Variants in MTARC2 observed in about 807,000 individuals in gnomAD.
MTARC2 encodes MOCO sulphurase C-terminal domain containing 2.
MTARC2 carries 27 observed loss-of-function variants against 35.6 expected under a neutral mutation model. The observed-to-expected ratio is 0.76, with a 90% CI of 0.56 to 1.04. The LOEUF is 1.04. MTARC2 is among the 50% of genes least tolerant of loss of function. MTARC2 has a pLI of 0.00. For synonymous variants in MTARC2, 158 were observed against 167.1 expected (o/e 0.95, Z 0.42); for missense variants, 412 against 432.5 (o/e 0.95, Z 0.42).
intron 2 of MTARC2, 94 bp downstream of exon 2, chr1:220,755,214 G>A (rs963090519): frequency 1.5e-6 from 2 of 1,321,682 alleles, no homozygotes; most frequent in Admixed American, 2.5e-5. Context: ...TTCTACAGTA[G>A]AGGATGACAT....
chr1:220,780,168 G>T lies in MTARC2; in HGVS notation c.813G>T (p.Arg271Ser), dbSNP rs1247306521. The T allele has an allele frequency of 6.2e-7, 1 of 1,613,074 alleles. No individual in the cohort carries two copies. The highest frequency in any genetic ancestry group is 1.1e-5 in the South Asian group (1 of 90,934). ...VEVKKVMACP[R>S]CILTTVDPDT... ...CTAACCCTTGGTTACTGCATAACAG[G>T]TGTATTTTGACAACGGTGGACCCAG... is the stretch of plus-strand genomic sequence containing the variant. The change falls in exon 6 of 8, where the codon AGG (arginine) becomes AGT (serine). Residue 271 changes from arginine to serine, a missense_variant and splice_region_variant. By Grantham distance (110) the Arg-to-Ser change is moderately radical (BLOSUM62 -1). Coordinates refer to ENST00000366913, the MANE Select transcript of MTARC2 (RefSeq NM_017898.5).
intron 4 of MTARC2, among the ~76,000 whole-genome samples, chr1:220,774,781 A>G (rs78604046): frequency 0.024 from 3,607 of 152,274 alleles, 110 homozygotes; most frequent in African/African-American, 0.064. Flanking sequence ...GTCAGCTGGT[A>G]TTTAAGAACT....
chr1:220,751,741 C>T (rs1671131647), intron 1 of MTARC2, among the ~76,000 whole-genome samples: 1 of 152,180 alleles, frequency 6.6e-6, no homozygotes, highest in African/African-American at 2.4e-5. Flanking sequence ...CAGGCTTCTA[C>T]ACTGATCCCT....
At chr1:220,778,017 C>T (rs555045754) in intron 4 of MTARC2, among the ~76,000 whole-genome samples, 91 of 152,092 alleles carry the variant, frequency 6.0e-4, no homozygotes, top group Admixed American at 2.6e-3. Context: ...CTGAGTTGAG[C>T]GGATCACCTG....
intron 6 of MTARC2, 75 bp downstream of exon 6, chr1:220,780,314 G>T: frequency 7.7e-7 from 1 of 1,299,528 alleles, no homozygotes; most frequent in Non-Finnish European, 1.1e-6. Context: ...TAGGTGCTAT[G>T]TCTGCTTTAG....
intron 7 of MTARC2, 36 bp from the exon 8 acceptor site, chr1:220,783,883 C>T (rs1440573675): frequency 1.4e-6 from 1 of 717,088 alleles, no homozygotes; most frequent in African/African-American, 1.7e-5. Flanking sequence ...GTAGGATAAA[C>T]AACCAAATAA....
At chr1:220,754,425 A>G (rs1407399580) in intron 1 of MTARC2, 1 of 456,222 alleles carries the variant, frequency 2.2e-6, no homozygotes, top group Non-Finnish European at 4.4e-6. Context: ...GGACCCCCGC[A>G]TGCCGCGGCA....
chr1:220,779,754 AC>A (rs1672014708), intron 4 of MTARC2, among the ~76,000 whole-genome samples: 1 of 151,994 alleles, frequency 6.6e-6, no homozygotes, highest in Non-Finnish European at 1.5e-5. Context: ...TTAATTTATG[AC>A]TCTCATGGCA....
chr1:220,757,755 C>A (rs1343870015), intron 2 of MTARC2, among the ~76,000 whole-genome samples: 1 of 152,148 alleles, frequency 6.6e-6, no homozygotes, highest in African/African-American at 2.4e-5. Flanking sequence ...TCCCATAGGC[C>A]CCACATTGGG....
chr1:220,770,205 A>T (rs1214429569), intron 4 of MTARC2, among the ~76,000 whole-genome samples: 1 of 152,200 alleles, frequency 6.6e-6, no homozygotes, highest in Non-Finnish European at 1.5e-5. Context: ...TAATCTTAAC[A>T]GTCACTTAAA....
chr1:220,763,810 C>T (rs1263591811), intron 4 of MTARC2, among the ~76,000 whole-genome samples: 1 of 152,184 alleles, frequency 6.6e-6, no homozygotes, highest in Admixed American at 6.5e-5. Context: ...AGATAAATTA[C>T]TTTATTTGAT....
intron 2 of MTARC2, 102 bp downstream of exon 2, chr1:220,755,222 C>A (rs1290688222): frequency 1.3e-5 from 16 of 1,256,732 alleles, no homozygotes; most frequent in Non-Finnish European, 1.6e-5. Context: ...TAGAGGATGA[C>A]ATTGGTAAAG....
chr1:220,754,788 C>T (rs1671230762), intron 1 of MTARC2, among the ~76,000 whole-genome samples, 159 bp from the exon 2 acceptor site: 1 of 152,196 alleles, frequency 6.6e-6, no homozygotes, highest in Non-Finnish European at 1.5e-5. Flanking sequence ...AACTTTTAGA[C>T]CCAAATCATT....
intron 2 of MTARC2, among the ~76,000 whole-genome samples, chr1:220,757,483 G>A (rs1191586819): frequency 1.3e-5 from 2 of 152,208 alleles, no homozygotes; most frequent in South Asian, 4.1e-4. Flanking sequence ...AGTGCCAGCT[G>A]CTGTGACAAA....
At chr1:220,775,629 C>A (rs115311166) in intron 4 of MTARC2, among the ~76,000 whole-genome samples, 3,619 of 152,236 alleles carry the variant, frequency 0.024, 109 homozygotes, top group African/African-American at 0.064. Context: ...TTTTGTCAGG[C>A]AGGTAATAAG....
intron 4 of MTARC2, among the ~76,000 whole-genome samples, chr1:220,771,857 A>G (rs1412242181): frequency 6.6e-6 from 1 of 152,188 alleles, no homozygotes; most frequent in Non-Finnish European, 1.5e-5. Flanking sequence ...CCACCATGGC[A>G]CAGGTACACC....
chr1:220,759,162 C>A (rs1325599871), intron 2 of MTARC2, among the ~76,000 whole-genome samples: 1 of 152,120 alleles, frequency 6.6e-6, no homozygotes, highest in East Asian at 1.9e-4. Flanking sequence ...ATTATTTATT[C>A]TTTAATTATT....
intron 1 of MTARC2, among the ~76,000 whole-genome samples, chr1:220,749,082 C>T (rs1170964863): frequency 6.6e-6 from 1 of 152,204 alleles, no homozygotes; most frequent in Non-Finnish European, 1.5e-5. Context: ...GTCTCCTTAG[C>T]TCTAAAGTTT....
At chr1:220,778,963 T>C (rs1671992396) in intron 4 of MTARC2, among the ~76,000 whole-genome samples, 1 of 152,178 alleles carries the variant, frequency 6.6e-6, no homozygotes, top group Non-Finnish European at 1.5e-5. Flanking sequence ...CAATTCTGCA[T>C]ATAATGTAAG....
Sources: gnomAD v4.1 joint callset for allele counts (sites outside exome capture counted in the v4.1 genomes callset) on GRCh38, gnomAD v4.1.1 for gene constraint, MANE v1.5 for transcripts, NCBI Gene and HGNC (gene_info 2026-07-23, HGNC 2026-07-21) for gene names.